The following RANBP17 variants were observed in gnomAD, a reference collection of about 807,000 sequenced individuals.
RANBP17 encodes the protein ran-binding protein 17.
In RANBP17, 158 loss-of-function variants were observed where a neutral mutation model predicts 141.2. That is an observed-to-expected ratio of 1.12 (90% CI 0.98 to 1.28). RANBP17 has a LOEUF of 1.28. RANBP17 is among the 50% of genes most tolerant of loss of function. The pLI is 0.00. For synonymous variants in RANBP17, 430 were observed against 450.0 expected, an observed-to-expected ratio of 0.96 and a Z score of 0.56; for missense variants, 1,438 against 1,290.7, an observed-to-expected ratio of 1.11 and a Z score of -1.75.
intron 5 of RANBP17, among the ~76,000 whole-genome samples, chr5:170,900,736 A>C (rs183234625): frequency 6.6e-6 from 1 of 152,178 alleles, no homozygotes; most frequent in African/African-American, 2.4e-5. Context: ...ATGGATTTAG[A>C]TAACTTATTT....
chr5:171,056,512 G>T (rs1024912737), intron 14 of RANBP17, among the ~76,000 whole-genome samples: 2 of 152,024 alleles, frequency 1.3e-5, no homozygotes, highest in Admixed American at 1.3e-4. Flanking sequence ...AGAATTACAG[G>T]AGTTTCCCGT....
At chr5:171,293,657 A>G (rs1240619413) in intron 25 of RANBP17, among the ~76,000 whole-genome samples, 1 of 152,192 alleles carries the variant, frequency 6.6e-6, no homozygotes, top group Non-Finnish European at 1.5e-5. Context: ...GTTCTCACCA[A>G]GGCTTTCAGA....
At chr5:171,290,839 T>C (rs1018991091) in intron 25 of RANBP17, among the ~76,000 whole-genome samples, 2 of 152,220 alleles carry the variant, frequency 1.3e-5, no homozygotes, top group African/African-American at 4.8e-5. Flanking sequence ...AGAGAGTAGC[T>C]GCAGTAGCAG....
intron 25 of RANBP17, among the ~76,000 whole-genome samples, chr5:171,287,028 A>G (rs1399300313): frequency 6.6e-6 from 1 of 152,152 alleles, no homozygotes; most frequent in African/African-American, 2.4e-5. Context: ...CAAGTGCCAG[A>G]AAATTCCTGA....
intron 14 of RANBP17, among the ~76,000 whole-genome samples, chr5:171,069,881 A>G (rs975690952): frequency 2.0e-5 from 3 of 152,222 alleles, no homozygotes; most frequent in African/African-American, 4.8e-5. Flanking sequence ...GAGATTAAGC[A>G]TAGGTAGGTT....
chr5:170,885,307 C>CTT, intron 3 of RANBP17, among the ~76,000 whole-genome samples: 1 of 152,138 alleles, frequency 6.6e-6, no homozygotes, highest in East Asian at 1.9e-4. Flanking sequence ...TGGAATAAGC[C>CTT]TTTAAAGATA....
intron 14 of RANBP17, among the ~76,000 whole-genome samples, chr5:171,075,338 C>T (rs1784853772): frequency 6.6e-6 from 1 of 152,026 alleles, no homozygotes; most frequent in Non-Finnish European, 1.5e-5. Context: ...TTCTTTTCTG[C>T]TTGTAAGTGT....
intron 16 of RANBP17, among the ~76,000 whole-genome samples, chr5:171,181,677 A>G (rs1249120452): frequency 1.3e-5 from 2 of 152,372 alleles, no homozygotes; most frequent in East Asian, 1.9e-4. Context: ...GAACTTGAGT[A>G]TAAATCATAC....
intron 14 of RANBP17, among the ~76,000 whole-genome samples, chr5:170,991,295 G>A (rs926783270): frequency 1.9e-4 from 29 of 151,914 alleles, no homozygotes; most frequent in African/African-American, 7.0e-4. Flanking sequence ...TCTCATTTAA[G>A]TTTATCAGTT....
At chr5:171,162,356 C>T (rs898384291) in intron 14 of RANBP17, among the ~76,000 whole-genome samples, 1 of 152,130 alleles carries the variant, frequency 6.6e-6, no homozygotes, top group Admixed American at 6.5e-5. Context: ...TATCCTGTGA[C>T]CAGTAACTGG....
At chr5:171,146,156 TAACAA>T in intron 14 of RANBP17, among the ~76,000 whole-genome samples, 1 of 152,156 alleles carries the variant, frequency 6.6e-6, no homozygotes, top group African/African-American at 2.4e-5. Context: ...TCCTCTAAGG[TAACAA>T]ATAAGGATAA....
chr5:171,091,635 AT>A (rs1343061911), intron 14 of RANBP17, among the ~76,000 whole-genome samples: 6 of 152,280 alleles, frequency 3.9e-5, no homozygotes, highest in Non-Finnish European at 7.4e-5. Context: ...TTGAATTCCC[AT>A]GTGTTGTGGG....
chr5:171,255,934 A>C (rs754770357), intron 24 of RANBP17, among the ~76,000 whole-genome samples: 1 of 152,234 alleles, frequency 6.6e-6, no homozygotes, highest in Non-Finnish European at 1.5e-5. Flanking sequence ...TTCTTAAATC[A>C]CATGGCTTCT....
At chr5:171,262,727 C>CTTAATA (rs1766415610) in intron 24 of RANBP17, among the ~76,000 whole-genome samples, 1 of 152,118 alleles carries the variant, frequency 6.6e-6, no homozygotes, top group Non-Finnish European at 1.5e-5. Context: ...TGCTACAGAA[C>CTTAATA]ACTGCAACTT....
chr5:170,966,576 C>T (rs1776582153), intron 13 of RANBP17, among the ~76,000 whole-genome samples: 2 of 152,068 alleles, frequency 1.3e-5, no homozygotes, highest in Non-Finnish European at 2.9e-5. Context: ...GACAAACCCA[C>T]AGCCAATATC....
intron 14 of RANBP17, among the ~76,000 whole-genome samples, chr5:171,119,298 G>A (rs901747528): frequency 3.3e-5 from 5 of 152,088 alleles, no homozygotes; most frequent in African/African-American, 1.2e-4. Context: ...GTTGGTTTTT[G>A]CATCTGTGTC....
chr5:171,275,309 A>G (rs143846845), intron 25 of RANBP17, among the ~76,000 whole-genome samples: 102 of 152,358 alleles, frequency 6.7e-4, no homozygotes, highest in African/African-American at 2.3e-3. Flanking sequence ...TCCTATGTAC[A>G]TAACTGCATT....
chr5:171,007,392 A>G (rs956143799), intron 14 of RANBP17, among the ~76,000 whole-genome samples: 9 of 152,090 alleles, frequency 5.9e-5, no homozygotes, highest in Admixed American at 5.9e-4. Flanking sequence ...GTTATAGGGT[A>G]GGGGAGCAGA....
At chr5:171,292,776 T>G (rs777615717) in intron 25 of RANBP17, among the ~76,000 whole-genome samples, 7 of 152,204 alleles carry the variant, frequency 4.6e-5, no homozygotes, top group Non-Finnish European at 7.3e-5. Flanking sequence ...AGCAGCCTCA[T>G]CCCTGGTCTT....
Sources: gnomAD v4.1 joint callset for allele counts (sites outside exome capture counted in the v4.1 genomes callset) on GRCh38, gnomAD v4.1.1 for gene constraint, MANE v1.5 for transcripts, NCBI Gene and HGNC (gene_info 2026-07-23, HGNC 2026-07-21) for gene names.